Variants in SPAG6 observed in about 807,000 individuals in gnomAD.
SPAG6 encodes sperm associated antigen 6.
A neutral mutation model predicts 58.5 loss-of-function variants in SPAG6; 49 were observed. The observed-to-expected ratio is 0.84, with a 90% CI of 0.67 to 1.06. SPAG6 has a LOEUF of 1.06. Ranked by LOEUF, SPAG6 falls within the 50% of genes least tolerant of loss-of-function variation. The probability of loss-of-function intolerance (pLI) is 0.00; values close to 1 mark genes in which losing one functional copy is unlikely to be tolerated. For missense variants in SPAG6, 560 were observed against 611.3 expected, an observed-to-expected ratio of 0.92 and a Z score of 0.89; for synonymous variants, 233 against 225.6, an observed-to-expected ratio of 1.03 and a Z score of -0.29.
rs145093119 is a variant in SPAG6, at chr10:22,374,152, A to G, written c.472+5474A>G. Among the ~76,000 whole-genome samples, 30 of 152,328 alleles carry G rather than the reference A, an allele frequency of 2.0e-4. No homozygotes were observed. In the East Asian group the frequency reaches 5.0e-3, roughly 25 times the overall value. On this transcript the variant is annotated intron_variant, in intron 4 of 10. Transcript: ENST00000376624. ...AATCTAGAGCAACAGAATGTAATAT[A>G]TAAGCTCAGATTCCTAAGTTACTCA...
At chr10:22,375,379 G>A (rs1299390370) in intron 4 of SPAG6, among the ~76,000 whole-genome samples, 1 of 152,148 alleles carries the variant, frequency 6.6e-6, no homozygotes, top group African/African-American at 2.4e-5. Context: ...ATTGTACCTT[G>A]AGATAAGACA....
chr10:22,397,117 A>AT (rs1454451412), intron 8 of SPAG6, among the ~76,000 whole-genome samples: 1 of 152,184 alleles, frequency 6.6e-6, no homozygotes. Flanking sequence ...ACAACCAATC[A>AT]TAATGCATAT....
chr10:22,366,769 A>G (rs1212757812), intron 3 of SPAG6, among the ~76,000 whole-genome samples: 2 of 152,132 alleles, frequency 1.3e-5, no homozygotes, highest in African/African-American at 4.8e-5. Flanking sequence ...TTCTTTTGAG[A>G]GCAGAGTCTG....
At chr10:22,378,547 T>G (rs1421087772) in intron 4 of SPAG6, among the ~76,000 whole-genome samples, 2 of 152,098 alleles carry the variant, frequency 1.3e-5, no homozygotes, top group Non-Finnish European at 2.9e-5. Context: ...AGCATTACTT[T>G]GTAAAGATGT....
intron 2 of SPAG6, chr10:22,360,707 T>A (rs1181985082): frequency 9.3e-6 from 7 of 753,410 alleles, no homozygotes; most frequent in Non-Finnish European, 1.5e-5. Context: ...ACATAGTATA[T>A]GTTGGGTCCT....
intron 2 of SPAG6, among the ~76,000 whole-genome samples, chr10:22,346,443 T>TTCTTC (rs899227035): frequency 2.3e-5 from 3 of 133,094 alleles, no homozygotes; most frequent in Non-Finnish European, 4.6e-5. Context: ...CTTCTTCTTC[T>TTCTTC]TCTTCTTCTT....
chr10:22,368,553 A>G lies in SPAG6; in HGVS notation c.347A>G (p.Gln116Arg). 1 of 1,614,010 alleles carries G rather than the reference A, an allele frequency of 6.2e-7. No homozygotes were observed. The highest frequency in any genetic ancestry group is 8.5e-7 in the Non-Finnish European group (1 of 1,179,970). ...CGAGCAGTTGGTAAACATTCTCCCC[A>G]GCTAGCTCAGGCAATAGTCGATTGT... ...VLRAVGKHSP[Q>R]LAQAIVDCGA... Residue 116 changes from glutamine to arginine, a missense_variant, in exon 4 of 11, where the codon CAG (glutamine) becomes CGG (arginine). Coordinates refer to ENST00000376624, the MANE Select transcript of SPAG6 (RefSeq NM_012443.4).
At chr10:22,381,175 A>G (rs1416835471) in intron 4 of SPAG6, among the ~76,000 whole-genome samples, 1 of 152,144 alleles carries the variant, frequency 6.6e-6, no homozygotes, top group African/African-American at 2.4e-5. Flanking sequence ...AGTAGAAAGA[A>G]CATCACCTTT....
intron 9 of SPAG6, among the ~76,000 whole-genome samples, chr10:22,407,543 T>G (rs1332218847): frequency 6.6e-6 from 1 of 151,904 alleles, no homozygotes; most frequent in Non-Finnish European, 1.5e-5. Flanking sequence ...GTGGGTAACC[T>G]GACCTTTCTC....
At chr10:22,397,179 TA>T (rs763433159) in intron 8 of SPAG6, among the ~76,000 whole-genome samples, 1 of 151,922 alleles carries the variant, frequency 6.6e-6, no homozygotes. Context: ...ATCTTGTATG[TA>T]AAAAAATCCT....
At chr10:22,363,322 A>G (rs78495421) in intron 2 of SPAG6, among the ~76,000 whole-genome samples, 1 of 152,282 alleles carries the variant, frequency 6.6e-6, no homozygotes, top group East Asian at 1.9e-4. Flanking sequence ...TGTGCTTTAA[A>G]CTTTTGTTGT....
intron 7 of SPAG6, 43 bp downstream of exon 7, chr10:22,389,355 C>T: frequency 6.3e-7 from 1 of 1,583,408 alleles, no homozygotes; most frequent in African/African-American, 1.3e-5. Context: ...GTAAGAAATT[C>T]TAAGACAGAA....
intron 8 of SPAG6, among the ~76,000 whole-genome samples, chr10:22,393,739 T>G (rs1366056655): frequency 1.3e-5 from 2 of 152,206 alleles, no homozygotes; most frequent in East Asian, 3.9e-4. Flanking sequence ...GATTTGATCA[T>G]TCTTTTTTCT....
chr10:22,386,710 G>A, intron 4 of SPAG6, 44 bp from the exon 5 acceptor site: 1 of 1,505,546 alleles, frequency 6.6e-7, no homozygotes. Flanking sequence ...TTGCACAAGG[G>A]TCAGTCACCC....
intron 4 of SPAG6, among the ~76,000 whole-genome samples, chr10:22,379,066 A>C (rs1440135413): frequency 1.3e-5 from 2 of 152,258 alleles, no homozygotes; most frequent in African/African-American, 4.8e-5. Flanking sequence ...AGAAAGATAG[A>C]AATGATGAGA....
chr10:22,363,001 G>C (rs1837086649), intron 2 of SPAG6, among the ~76,000 whole-genome samples: 1 of 152,108 alleles, frequency 6.6e-6, no homozygotes, highest in South Asian at 2.1e-4. Context: ...GTGCTGGTTA[G>C]GATGTGGAAA....
intron 10 of SPAG6, chr10:22,413,170 T>C (rs538997620): frequency 6.6e-6 from 1 of 151,766 alleles, no homozygotes; most frequent in South Asian, 2.1e-4. Flanking sequence ...TTTTTTTTTT[T>C]TTCCACTTTT....
chr10:22,401,164 A>G lies in SPAG6; in HGVS notation c.1201A>G (p.Lys401Glu). ...ESSEDLQVKS[K>E]KAIKNILQKC... ...ACATTCTGCTTTGTATTTCTAGAGT[A>G]AAAAAGCCATAAAGAATATCCTGCA... is the stretch of plus-strand genomic sequence containing the variant. Residue 401 changes from lysine to glutamate, a missense_variant, in exon 9 of 11, where the codon AAA (lysine) becomes GAA (glutamate). By Grantham distance (56) the Lys-to-Glu change is moderately conservative. Coordinates refer to ENST00000376624, the MANE Select transcript of SPAG6 (RefSeq NM_012443.4). The G allele has an allele frequency of 2.7e-6, 4 of 1,505,726 alleles. No individual in the cohort carries two copies. Among genetic ancestry groups the G allele is most frequent in the African/African-American group, 1.4e-5 (1 of 72,788 alleles). 93.3% of individuals were successfully genotyped at this position (1,505,726 alleles called of 1,614,324 possible).
chr10:22,368,406 T>C, intron 3 of SPAG6, 89 bp from the exon 4 acceptor site: 1 of 925,902 alleles, frequency 1.1e-6, no homozygotes, highest in Non-Finnish European at 1.6e-6. Context: ...TTTATAGTAA[T>C]GTTATTTTTA....
Sources: gnomAD v4.1 joint callset for allele counts (sites outside exome capture counted in the v4.1 genomes callset) on GRCh38, gnomAD v4.1.1 for gene constraint, MANE v1.5 for transcripts, NCBI Gene and HGNC (gene_info 2026-07-23, HGNC 2026-07-21) for gene names.